Variants in TAFA5 observed in about 807,000 individuals in gnomAD.
The protein encoded by TAFA5 is chemokine-like protein TAFA-5.
TAFA5 carries 6 observed loss-of-function variants against 15.3 expected under a neutral mutation model. That is an observed-to-expected ratio of 0.39 (90% confidence interval 0.21 to 0.77). The LOEUF is 0.77. TAFA5 is among the 30% of genes least tolerant of loss of function. TAFA5 has a pLI of 0.41. For missense variants in TAFA5, 161 were observed against 193.1 expected, an observed-to-expected ratio of 0.83 and a Z score of 0.98; for synonymous variants, 103 against 80.7, an observed-to-expected ratio of 1.28 and a Z score of -1.48.
chr22:48,646,560 C>T (rs377215877), intron 1 of TAFA5, 37 bp from the exon 2 acceptor site: 22 of 1,605,452 alleles, frequency 1.4e-5, no homozygotes, highest in African/African-American at 1.1e-4. Flanking sequence ...GTGTCTGTAA[C>T]GTGTGGCCGC....
intron 2 of TAFA5, among the ~76,000 whole-genome samples, chr22:48,662,841 C>T (rs1927492030): frequency 1.3e-5 from 2 of 152,226 alleles, no homozygotes; most frequent in African/African-American, 2.4e-5. Flanking sequence ...TACCCGCTGT[C>T]GCAGCTGCAA....
Position 48,490,550 on chromosome 22 carries a change from G to C in TAFA5, c.112+846G>C, listed in dbSNP as rs1456393514. ...GTGCAGACTCCAGCCTCGGCGCTGG[G>C]GAGGGTGCTCAGCATCCCGGGGCAC... On this transcript the variant is annotated intron_variant, in intron 1 of 3. Coordinates refer to ENST00000402357, the MANE Select transcript of TAFA5 (RefSeq NM_001082967.3). This position sits in a 1 kb window ranked among gnomAD's most constrained non-coding sequence, Gnocchi z 5.8. Among the ~76,000 whole-genome samples the C allele has an allele frequency of 6.6e-6, 1 of 151,956 alleles. No individual in the cohort carries two copies. Among genetic ancestry groups the C allele is most frequent in the African/African-American group, 2.4e-5 (1 of 41,394 alleles).
At chr22:48,586,994 C>G (rs73425955) in intron 1 of TAFA5, among the ~76,000 whole-genome samples, 1 of 152,202 alleles carries the variant, frequency 6.6e-6, no homozygotes, top group Admixed American at 6.5e-5. Flanking sequence ...TGGTGAGAAC[C>G]GGGCCTCCAC....
At position 48,598,184 on chromosome 22, in the gene TAFA5, C is replaced by CTT. The variant is rs1924839981; in HGVS notation, c.113-48413_113-48412insTT. 6.6e-6 allele frequency among the ~76,000 whole-genome samples: 1 copy of CTT among 152,152 alleles called. No individual in the cohort carries two copies. Among genetic ancestry groups the CTT allele is most frequent in the African/African-American group, 2.4e-5 (1 of 41,446 alleles). On this transcript the variant is annotated intron_variant, in intron 1 of 3. Transcript: ENST00000402357. The surrounding 1 kb of genome is among the most constrained non-coding windows in gnomAD (Gnocchi z 4.0). The stretch of plus-strand genomic sequence containing the variant: ...ATTCTTTTCTTGCTTGAGGAAGGTC[C>CTT]ATCTTTGTCCATTGAGGCCTTCACC...
At chr22:48,670,517 A>G (rs1927768426) in intron 2 of TAFA5, among the ~76,000 whole-genome samples, 1 of 152,236 alleles carries the variant, frequency 6.6e-6, no homozygotes, top group Non-Finnish European at 1.5e-5. Flanking sequence ...GGCTGGGCTC[A>G]GCCCCACTCC....
intron 1 of TAFA5, among the ~76,000 whole-genome samples, chr22:48,601,133 G>A (rs1924955347): frequency 6.6e-6 from 1 of 152,186 alleles, no homozygotes; most frequent in Non-Finnish European, 1.5e-5. Flanking sequence ...ACTAGTTATT[G>A]CTGTTAATTT....
At chr22:48,683,866 TAA>T (rs1274187660) in intron 2 of TAFA5, among the ~76,000 whole-genome samples, 2 of 152,122 alleles carry the variant, frequency 1.3e-5, no homozygotes, top group Non-Finnish European at 2.9e-5. Context: ...TCTGATGGCT[TAA>T]AAGTGTAGCC....
chr22:48,620,581 A>G (rs1475588376), intron 1 of TAFA5, among the ~76,000 whole-genome samples: 1 of 10,374 alleles, frequency 9.6e-5, no homozygotes, highest in Non-Finnish European at 1.8e-4. Context: ...CCATGTATCC[A>G]TCCGTCCACC....
At chr22:48,545,910 A>G (rs886173302) in intron 1 of TAFA5, among the ~76,000 whole-genome samples, 2 of 152,152 alleles carry the variant, frequency 1.3e-5, no homozygotes, top group Non-Finnish European at 2.9e-5. Context: ...GCTGCCTGCT[A>G]TAACTTGGCT....
chr22:48,655,837 T>TCG (rs1555896457), intron 2 of TAFA5, among the ~76,000 whole-genome samples: 1 of 121,930 alleles, frequency 8.2e-6, no homozygotes, highest in Non-Finnish European at 1.7e-5. Flanking sequence ...ATTCTTTTTT[T>TCG]TTTTTTTTTT....
chr22:48,625,051 G>A (rs779781914), intron 1 of TAFA5, among the ~76,000 whole-genome samples: 1 of 152,000 alleles, frequency 6.6e-6, no homozygotes, highest in Non-Finnish European at 1.5e-5. Flanking sequence ...GGAGGCAGAG[G>A]TAGTGGTGAG....
chr22:48,567,276 A>G (rs1923438712), intron 1 of TAFA5, among the ~76,000 whole-genome samples: 1 of 152,182 alleles, frequency 6.6e-6, no homozygotes, highest in Admixed American at 6.5e-5. Flanking sequence ...TGGCCTCCGG[A>G]AGGCTGCTGG....
chr22:48,676,778 T>G (rs1216588070), intron 2 of TAFA5, among the ~76,000 whole-genome samples: 1 of 152,200 alleles, frequency 6.6e-6, no homozygotes, highest in Non-Finnish European at 1.5e-5. Flanking sequence ...CAAGTCCTGG[T>G]TTCTCCACTC....
Position 48,688,836 on chromosome 22 carries a change from T to C in TAFA5, c.263-18881T>C, listed in dbSNP as rs148105780. On this transcript the variant is annotated intron_variant, in intron 2 of 3. Transcript: ENST00000402357. ...TGAAACCCCATCTCTACTAAAAATA[T>C]AAAAAACTAGCCAGGTGTGGTGGCG... Among the ~76,000 whole-genome samples the C allele has an allele frequency of 1.3e-3, 203 of 151,902 alleles. 1 individual carries two copies. Among genetic ancestry groups the C allele is most frequent in the African/African-American group, 4.8e-3 (200 of 41,452 alleles).
rs1421969755 is a variant in TAFA5 at position 48,542,425 on chromosome 22, ATGTGTGTGGTG to A, written c.112+52734_112+52744del. Among the ~76,000 whole-genome samples, 3 of 48,862 alleles carry A rather than the reference ATGTGTGTGGTG, an allele frequency of 6.1e-5. 1 individual carries two copies. Among genetic ancestry groups the A allele is most frequent in the Admixed American group, 2.7e-4 (1 of 3,736 alleles). 32.1% of individuals were successfully genotyped at this position (48,862 alleles called of 152,430 possible). A position where few individuals can be genotyped will look rare whatever the true frequency, so the allele number is the denominator to read the frequency against. The stretch of plus-strand genomic sequence containing the variant: ...TGCGTGTGTGGCGTGTGTGGTGTGT[ATGTGTGTGGTG>A]TGTGTGTGGTGTATGTGCGGGTGTG... On this transcript the variant is annotated intron_variant, in intron 1 of 3. Transcript: ENST00000402357.
chr22:48,614,789 A>G (rs1438054735), intron 1 of TAFA5, among the ~76,000 whole-genome samples: 3 of 152,116 alleles, frequency 2.0e-5, no homozygotes, highest in African/African-American at 7.2e-5. Context: ...TCTGTGCCGC[A>G]CACGTCCAGC....
chr22:48,590,397 G>A (rs1178477462), intron 1 of TAFA5, among the ~76,000 whole-genome samples: 1 of 152,214 alleles, frequency 6.6e-6, no homozygotes, highest in Non-Finnish European at 1.5e-5. Context: ...AGCTTTTATG[G>A]CTACCTTCTA....
chr22:48,708,947 A>C (rs1929167194), intron 3 of TAFA5, among the ~76,000 whole-genome samples: 1 of 152,150 alleles, frequency 6.6e-6, no homozygotes, highest in African/African-American at 2.4e-5. Context: ...GAGTTGCTGC[A>C]AGGAGAACCA....
chr22:48,591,596 C>G (rs937623638), intron 1 of TAFA5, among the ~76,000 whole-genome samples: 2 of 152,198 alleles, frequency 1.3e-5, no homozygotes, highest in Admixed American at 1.3e-4. Flanking sequence ...CCTGAGGGCT[C>G]CAGATGACAG....
Sources: allele counts gnomAD v4.1 joint callset (sites outside exome capture counted in the v4.1 genomes callset), GRCh38; gene constraint gnomAD v4.1.1; non-coding constraint Gnocchi (gnomAD v3.1); transcripts MANE v1.5; gene names NCBI Gene and HGNC (gene_info 2026-07-23, HGNC 2026-07-21).